VGLL4: variants seen among roughly 807,000 people sequenced by gnomAD.
VGLL4 encodes vestigial like family member 4.
Under a neutral mutation model 21.0 loss-of-function variants are expected in VGLL4, and 7 were observed. The ratio of observed to expected loss-of-function variants is 0.33; its 90% CI spans 0.19 to 0.63. VGLL4 has a LOEUF of 0.63. Ranked by LOEUF, VGLL4 falls within the 20% of genes least tolerant of loss-of-function variation. VGLL4 has a pLI of 0.78. For missense variants in VGLL4, 394 were observed against 425.7 expected, an observed-to-expected ratio of 0.93 and a Z score of 0.66; for synonymous variants, 222 against 173.2, an observed-to-expected ratio of 1.28 and a Z score of -2.21.
At chr3:11,702,887 G>C (rs2076703221) in intron 2 of VGLL4, 1 of 1,322,954 alleles carries the variant, frequency 7.6e-7, no homozygotes, top group East Asian at 2.6e-5. Context: ...AAACCATGTA[G>C]AGAAGCATGT....
At chr3:11,628,484 T>A (rs2075402454) in intron 1 of VGLL4, among the ~76,000 whole-genome samples, 2 of 152,194 alleles carry the variant, frequency 1.3e-5, no homozygotes, top group Non-Finnish European at 2.9e-5. Flanking sequence ...AAAAAAAGTT[T>A]AAATGTTTTC....
intron 4 of VGLL4, 112 bp from the exon 5 acceptor site, chr3:11,558,939 G>T (rs1559850543): frequency 1.5e-6 from 2 of 1,318,576 alleles, no homozygotes; most frequent in East Asian, 2.5e-5. Flanking sequence ...GCCACGGTCA[G>T]CGTGGGCTCT....
intron 2 of VGLL4, among the ~76,000 whole-genome samples, chr3:11,700,124 T>G (rs2076659958): frequency 6.6e-6 from 1 of 152,116 alleles, no homozygotes; most frequent in South Asian, 2.1e-4. Flanking sequence ...GCAGGAACTG[T>G]CCCTTCTTTA....
intron 2 of VGLL4, among the ~76,000 whole-genome samples, chr3:11,656,971 A>C (rs1363808469): frequency 6.6e-6 from 1 of 152,186 alleles, no homozygotes; most frequent in Non-Finnish European, 1.5e-5. Flanking sequence ...GGCTGGGAGT[A>C]GGCAGCAAGG....
At chr3:11,655,534 T>G (rs1000761367) in intron 2 of VGLL4, among the ~76,000 whole-genome samples, 1 of 152,182 alleles carries the variant, frequency 6.6e-6, no homozygotes, top group African/African-American at 2.4e-5. Flanking sequence ...TCAGCCTATC[T>G]TCTTAAATTA....
At position 11,643,489 on chromosome 3, in the gene VGLL4, G is replaced by A; in HGVS notation, c.30C>T (p.Asn10=). ...TGTTCATCTTGTCCAAGTACTGATA[G>A]TTCAACAGGTCCATCTTCATAAATA... The part of the protein sequence containing the change: MLFMKMDLL[N]YQYLDKMNNN... The change falls in exon 1 of 5, where the codon AAC becomes AAT. Residue 10 remains asparagine, a synonymous_variant. Transcript: ENST00000430365. 1 of 1,614,012 alleles carries A rather than the reference G, an allele frequency of 6.2e-7. No individual in the cohort carries two copies. Among genetic ancestry groups the A allele is most frequent in the Non-Finnish European group, 8.5e-7 (1 of 1,179,906 alleles).
chr3:11,577,787 T>G (rs1054803484), intron 2 of VGLL4, among the ~76,000 whole-genome samples: 2 of 152,236 alleles, frequency 1.3e-5, no homozygotes, highest in African/African-American at 2.4e-5. Context: ...ATGAATGAAC[T>G]CTGCCTTCAA....
intron 2 of VGLL4, among the ~76,000 whole-genome samples, chr3:11,577,048 G>T (rs893569618): frequency 6.6e-6 from 1 of 152,212 alleles, no homozygotes; most frequent in African/African-American, 2.4e-5. Context: ...ACAGGTTAGA[G>T]TCAGACAGAG....
chr3:11,688,908 C>T (rs188867183), intron 2 of VGLL4, among the ~76,000 whole-genome samples: 2 of 152,098 alleles, frequency 1.3e-5, no homozygotes, highest in East Asian at 3.9e-4. Flanking sequence ...ATCCCAGCTA[C>T]TCGGGAGGCT....
intron 1 of VGLL4, among the ~76,000 whole-genome samples, chr3:11,715,203 G>A (rs755738934): frequency 6.6e-5 from 10 of 151,424 alleles, no homozygotes; most frequent in Non-Finnish European, 1.2e-4. Flanking sequence ...AACAGCCCAG[G>A]TCTAACTCTC....
At chr3:11,601,780 T>C (rs1242980725) in intron 2 of VGLL4, 53 bp downstream of exon 2, 3 of 1,583,424 alleles carry the variant, frequency 1.9e-6, no homozygotes, top group Middle Eastern at 1.7e-4. Context: ...GCAAAACAAA[T>C]AAGGCCCCAG....
intron 2 of VGLL4, among the ~76,000 whole-genome samples, chr3:11,591,063 A>G (rs1167380715): frequency 6.6e-6 from 1 of 152,188 alleles, no homozygotes; most frequent in African/African-American, 2.4e-5. Flanking sequence ...AGCTACGGAT[A>G]AAAAGAGCTG....
intron 2 of VGLL4, among the ~76,000 whole-genome samples, chr3:11,595,472 C>A (rs2074614016): frequency 1.3e-5 from 2 of 152,030 alleles, no homozygotes; most frequent in African/African-American, 4.8e-5. Context: ...TTGACCCAGC[C>A]ATCCCATTAC....
intron 1 of VGLL4, chr3:11,703,147 A>C: frequency 1.0e-6 from 1 of 995,974 alleles, no homozygotes; most frequent in Non-Finnish European, 1.4e-6. Flanking sequence ...ACCAAATGCA[A>C]ATCATTCTTC....
chr3:11,671,270 A>G (rs1487290416), intron 2 of VGLL4: 1 of 1,597,096 alleles, frequency 6.3e-7, no homozygotes, highest in Admixed American at 1.7e-5. Flanking sequence ...ACCATGGTGC[A>G]GACCTGGATG....
rs1421060960 is a variant in VGLL4 at position 11,719,177 on chromosome 3, C to A, written c.-14+1217G>T. ...CCCTCCCTGAGGCCGGCGGGGACCG[C>A]GGGGTGCCAGGCGCGGGCCTCCTCG... On this transcript the variant is annotated intron_variant, in intron 1 of 5. Transcript: ENST00000273038. This position sits in a 1 kb window ranked among gnomAD's most constrained non-coding sequence, Gnocchi z 4.0. Among the ~76,000 whole-genome samples the A allele has an allele frequency of 6.6e-6, 1 of 151,992 alleles. No individual in the cohort carries two copies. Among genetic ancestry groups the A allele is most frequent in the Admixed American group, 6.5e-5 (1 of 15,288 alleles).
intron 2 of VGLL4, among the ~76,000 whole-genome samples, chr3:11,650,443 G>A (rs1232158675): frequency 6.6e-6 from 1 of 152,146 alleles, no homozygotes; most frequent in Non-Finnish European, 1.5e-5. Flanking sequence ...TCAGCCTGTG[G>A]AAAGAAAAGC....
intron 2 of VGLL4, among the ~76,000 whole-genome samples, chr3:11,586,866 C>A (rs1056725955): frequency 6.6e-6 from 1 of 152,126 alleles, no homozygotes; most frequent in Non-Finnish European, 1.5e-5. Context: ...GCCTGACATG[C>A]ATGAAAAGAT....
chr3:11,604,974 T>C (rs1331396867), intron 1 of VGLL4, among the ~76,000 whole-genome samples: 1 of 143,318 alleles, frequency 7.0e-6, no homozygotes, highest in East Asian at 2.1e-4. Context: ...ACTACAGGCC[T>C]TTCTGTCTTC....
Sources: gnomAD v4.1 joint callset for allele counts (sites outside exome capture counted in the v4.1 genomes callset) on GRCh38, gnomAD v4.1.1 for gene constraint, Gnocchi (gnomAD v3.1) non-coding constraint, MANE v1.5 for transcripts, NCBI Gene and HGNC (gene_info 2026-07-23, HGNC 2026-07-21) for gene names.